Variants in PLCE1 observed in about 807,000 individuals in gnomAD.
PLCE1 encodes the protein 1-phosphatidylinositol 4,5-bisphosphate phosphodiesterase epsilon-1.
Under a neutral mutation model 242.8 loss-of-function variants are expected in PLCE1, and 119 were observed. That is an observed-to-expected ratio of 0.49 (90% CI 0.42 to 0.57). The LOEUF is 0.57. PLCE1 is among the 20% of genes least tolerant of loss of function. The probability of loss-of-function intolerance (pLI) is 0.00; values close to 1 mark genes in which losing one functional copy is unlikely to be tolerated. For missense variants in PLCE1, 2,441 were observed against 2,788.8 expected, an observed-to-expected ratio of 0.88 and a Z score of 2.81; for synonymous variants, 945 against 1,017.4, an observed-to-expected ratio of 0.93 and a Z score of 1.35.
At chr10:94,210,969 C>T (rs953181973) in intron 4 of PLCE1, among the ~76,000 whole-genome samples, 7 of 152,232 alleles carry the variant, frequency 4.6e-5, no homozygotes, top group African/African-American at 7.2e-5. Flanking sequence ...GTGGTACCTT[C>T]TGGCTGAAGC....
intron 18 of PLCE1, 36 bp downstream of exon 18, chr10:94,270,638 G>A (rs1364769610): frequency 1.6e-6 from 2 of 1,253,866 alleles, no homozygotes. Flanking sequence ...TGGTATGTTG[G>A]CCCTTGTTTT....
chr10:94,232,281 C>G (rs981000200), intron 5 of PLCE1, among the ~76,000 whole-genome samples: 14 of 152,040 alleles, frequency 9.2e-5, no homozygotes, highest in African/African-American at 3.4e-4. Flanking sequence ...ATTTTGTAAC[C>G]CAGTTAATCT....
intron 4 of PLCE1, among the ~76,000 whole-genome samples, chr10:94,214,094 C>T: frequency 6.6e-6 from 1 of 152,290 alleles, no homozygotes; most frequent in South Asian, 2.1e-4. Flanking sequence ...GCTCCACATC[C>T]TGTGTTTTTC....
At chr10:94,052,201 G>A (rs1436943011) in intron 2 of PLCE1, among the ~76,000 whole-genome samples, 1 of 152,188 alleles carries the variant, frequency 6.6e-6, no homozygotes, top group East Asian at 1.9e-4. Flanking sequence ...TGTTTTCAAA[G>A]TTCAATTCAG....
At chr10:94,157,465 G>A (rs1208040934) in intron 3 of PLCE1, among the ~76,000 whole-genome samples, 1 of 152,140 alleles carries the variant, frequency 6.6e-6, no homozygotes, top group Non-Finnish European at 1.5e-5. Context: ...ACACATACAT[G>A]TGAGTCCCAA....
In PLCE1 at chr10:94,246,016, G is replaced by C. The variant is rs760609959; in HGVS notation, c.2491G>C (p.Gly831Arg). Reference protein sequence around the residue: ...FEQSKEYDSHGSEDSQKAFDH... With the variant: ...FEQSKEYDSHRSEDSQKAFDH... ...GCAATCCAAAGAATACGACTCTCAT[G>C]GTTCAGAGGACTCACAGAAGGCCTT... is the stretch of plus-strand genomic sequence containing the variant. The change falls in exon 8 of 33, where the codon GGT becomes CGT. Residue 831 changes from glycine to arginine, a missense_variant. By Grantham distance (125) the Gly-to-Arg change is moderately radical (BLOSUM62 -2). This residue lies in a region of PLCE1 where 733 missense variants were observed against 754.2 expected (regional missense o/e 0.97). Coordinates refer to ENST00000371380, the MANE Select transcript of PLCE1 (RefSeq NM_016341.4). The C allele has an allele frequency of 1.9e-6, 3 of 1,613,954 alleles. No homozygotes were observed. In the South Asian group the frequency reaches 3.3e-5, roughly 18 times the overall value.
intron 4 of PLCE1, among the ~76,000 whole-genome samples, chr10:94,214,611 CA>C (rs945776353): frequency 1.3e-5 from 2 of 152,180 alleles, no homozygotes; most frequent in African/African-American, 4.8e-5. Flanking sequence ...CCAACACAGG[CA>C]CACCATTTTA....
rs149607323 is a variant in PLCE1 at position 94,049,761 on chromosome 10, T to G, written c.1206+17509T>G. ...ATATTAGCACCCCAGAAGCCTTTGTTGTATCTCCTTTCAGTGTCTCTCTCC... is the reference window on the plus strand; with the variant it reads ...ATATTAGCACCCCAGAAGCCTTTGTGGTATCTCCTTTCAGTGTCTCTCTCC... On this transcript the variant is annotated intron_variant, in intron 2 of 32. Transcript: ENST00000371380. Among the ~76,000 whole-genome samples, 458 of 152,308 alleles carry G rather than the reference T, an allele frequency of 3.0e-3. 3 individuals carry two copies. Among genetic ancestry groups the G allele is most frequent in the African/African-American group, 0.011 (438 of 41,566 alleles).
intron 3 of PLCE1, chr10:94,138,261 C>CA: frequency 3.0e-6 from 1 of 335,388 alleles, no homozygotes. Flanking sequence ...TGATATTCCA[C>CA]AGTGCATATT....
Position 94,032,189 on chromosome 10 carries a change from C to T in PLCE1, c.1143C>T (p.Pro381=), listed in dbSNP as rs1160427478. The change falls in exon 2 of 33, where the codon CCC becomes CCT. Residue 381 remains proline, a synonymous_variant. Transcript: ENST00000371380. ...TGCCTTGTGGGAGAGTAATGGAACC[C>T]CCGTCAACAGTGGAGATAAGGCAAG... ...PLLPCGRVME[P]PSTVEIRQDG... 6.2e-7 allele frequency: 1 copy of T among 1,612,674 alleles called. No individual in the cohort carries two copies. The highest frequency in any genetic ancestry group is 2.2e-5 in the East Asian group (1 of 44,850).
In PLCE1 at chr10:94,293,651, T is replaced by G. The variant is rs2052712721; in HGVS notation, c.5167+12T>G. 6.2e-7 allele frequency: 1 copy of G among 1,612,908 alleles called. No homozygotes were observed. Among genetic ancestry groups the G allele is most frequent in the Non-Finnish European group, 8.5e-7 (1 of 1,179,274 alleles). On this transcript the variant is annotated intron_variant, in intron 23 of 32. Coordinates refer to ENST00000371380, the MANE Select transcript of PLCE1 (RefSeq NM_016341.4). Reference sequence around the variant, plus strand: ...AACATCTGGAAAAAGTAAAGTCACTTTCTTACAATATCTTTGCTTGATTCT... The same window carrying G: ...AACATCTGGAAAAAGTAAAGTCACTGTCTTACAATATCTTTGCTTGATTCT...
At chr10:94,304,735 G>A (rs904506342) in intron 25 of PLCE1, 90 bp downstream of exon 25, 4 of 1,271,218 alleles carry the variant, frequency 3.1e-6, no homozygotes, top group Admixed American at 1.7e-5. Flanking sequence ...TTGGAAAGCT[G>A]TCATGTCACA....
rs563314938 is a variant in PLCE1, at chr10:94,127,522, C to T, written c.1207-4652C>T. The stretch of plus-strand genomic sequence containing the variant: ...CAATCTCCAATGTACAGGTATTTTT[C>T]AAGACTGCTTGCATCATATTGGCTA... On this transcript the variant is annotated intron_variant, in intron 2 of 32. Transcript: ENST00000371380. 2.0e-5 allele frequency among the ~76,000 whole-genome samples: 3 copies of T among 152,268 alleles called. No individual in the cohort carries two copies. The South Asian group carries it at 6.2e-4, about 32-fold the overall frequency.
rs2051833352 is a variant in PLCE1 at position 94,273,664 on chromosome 10, C to T, written c.4609C>T (p.Leu1537Phe). 6.2e-7 allele frequency: 1 copy of T among 1,613,866 alleles called. No individual in the cohort carries two copies. The highest frequency in any genetic ancestry group is 8.5e-7 in the Non-Finnish European group (1 of 1,179,822). The change falls in exon 19 of 33, where the codon CTT becomes TTT. Residue 1537 changes from leucine (L) to phenylalanine (F), a missense_variant. Transcript: ENST00000371380. Reference sequence around the variant, plus strand: ...TGACCAACTCAGAAAGAAAGTTCTTCTTAAAAACAAGAAGCTAAAAGCCCA... The same window carrying T: ...TGACCAACTCAGAAAGAAAGTTCTTTTTAAAAACAAGAAGCTAAAAGCCCA... Reference protein sequence around the residue: ...SPDQLRKKVLLKNKKLKAHQT... With the variant: ...SPDQLRKKVLFKNKKLKAHQT...
At chr10:94,183,397 C>T (rs1161305514) in intron 4 of PLCE1, among the ~76,000 whole-genome samples, 1 of 152,164 alleles carries the variant, frequency 6.6e-6, no homozygotes, top group African/African-American at 2.4e-5. Context: ...ACTGAGCTTA[C>T]ATTCTAGTCA....
chr10:94,065,502 A>G (rs982082765), intron 2 of PLCE1, among the ~76,000 whole-genome samples: 2 of 152,114 alleles, frequency 1.3e-5, no homozygotes, highest in Non-Finnish European at 2.9e-5. Flanking sequence ...GTGGATTATC[A>G]TCATGAATTC....
At chr10:94,297,627 A>AAAAAAAAT (rs2052885081) in intron 23 of PLCE1, among the ~76,000 whole-genome samples, 4 of 109,570 alleles carry the variant, frequency 3.7e-5, no homozygotes, top group Non-Finnish European at 5.8e-5. Flanking sequence ...AAAAAAAAAA[A>AAAAAAAAT]GTGCAGTATC....
intron 29 of PLCE1, among the ~76,000 whole-genome samples, chr10:94,321,541 T>C (rs917973063): frequency 9.9e-5 from 15 of 151,640 alleles, no homozygotes; most frequent in Non-Finnish European, 1.8e-4. Context: ...GGCAGGAGAA[T>C]TGCTTGAACC....
Position 94,293,584 on chromosome 10 carries a change from T to G in PLCE1, c.5112T>G (p.Asn1704Lys). The change falls in exon 23 of 33, where the codon AAT becomes AAG. Residue 1704 changes from asparagine (N) to lysine (K), a missense_variant. Physicochemically the swap from Asn to Lys is moderately conservative, Grantham distance 94. Transcript: ENST00000371380. ...GCAGGAAGTCCATTTTTGGCAACAA[T>G]CCGGGCAGAATGAGCCCAGGGGAGA... ...RKSRKSIFGN[N>K]PGRMSPGETA... 6.2e-7 allele frequency: 1 copy of G among 1,613,966 alleles called. No individual in the cohort carries two copies. Among genetic ancestry groups the G allele is most frequent in the Non-Finnish European group, 8.5e-7 (1 of 1,179,892 alleles).
Sources: gnomAD v4.1 joint callset for allele counts (sites outside exome capture counted in the v4.1 genomes callset) on GRCh38, gnomAD v4.1.1 for gene constraint, gnomAD v4.1.1 regional missense constraint, MANE v1.5 for transcripts, NCBI Gene and HGNC (gene_info 2026-07-23, HGNC 2026-07-21) for gene names.